SPRING1: variants seen among roughly 807,000 people sequenced by gnomAD.
SPRING1 encodes SREBF pathway regulator in golgi 1, also known as SREBP regulating gene protein.
SPRING1 carries 14 observed loss-of-function variants against 24.7 expected under a neutral mutation model. The observed-to-expected ratio is 0.57, with a 90% confidence interval of 0.37 to 0.88. The LOEUF (loss-of-function observed/expected upper bound fraction) is 0.88, where lower values mean the gene tolerates loss of function less well. Ranked by LOEUF, SPRING1 falls within the 40% of genes least tolerant of loss-of-function variation. The probability of loss-of-function intolerance (pLI) is 0.00; values close to 1 mark genes in which losing one functional copy is unlikely to be tolerated. For missense variants in SPRING1, 255 were observed against 268.4 expected, an observed-to-expected ratio of 0.95 and a Z score of 0.35; for synonymous variants, 93 against 106.1, an observed-to-expected ratio of 0.88 and a Z score of 0.76.
intron 1 of SPRING1, among the ~76,000 whole-genome samples, chr12:116,733,076 A>G (rs1200784114): frequency 6.6e-6 from 1 of 152,214 alleles, no homozygotes; most frequent in Non-Finnish European, 1.5e-5. Flanking sequence ...ATCTGAAAAA[A>G]GCGTTTTAAG....
In SPRING1 at chr12:116,712,627, G is replaced by A. The variant is rs1037266124; in HGVS notation, c.*5183C>T. ...TGATACCTTTTTAGTAGAATGACTA[G>A]TTTTCTAAACAGAACCTGTAATGAC... On this transcript the variant is annotated 3_prime_UTR_variant, in exon 5 of 5. Transcript: ENST00000261318. The A allele has an allele frequency of 6.6e-6, 1 of 152,156 alleles. No homozygotes were observed. 9.4% of individuals were successfully genotyped at this position (152,156 alleles called of 1,614,324 possible). A position where few individuals can be genotyped will look rare whatever the true frequency, so the allele number is the denominator to read the frequency against.
chr12:116,731,594 T>A (rs568739007), intron 1 of SPRING1, among the ~76,000 whole-genome samples: 2 of 151,952 alleles, frequency 1.3e-5, no homozygotes, highest in Non-Finnish European at 2.9e-5. Context: ...AAAAATAAAT[T>A]AATTAATTAG....
chr12:116,735,086 C>T (rs1343673065), intron 1 of SPRING1, among the ~76,000 whole-genome samples: 2 of 152,140 alleles, frequency 1.3e-5, no homozygotes, highest in Admixed American at 1.3e-4. Flanking sequence ...TCAGGATACA[C>T]TCTGGAGGCA....
At chr12:116,734,300 CAGGCTTAGAGCCTAGGAGGAAT>C (rs1361942974) in intron 1 of SPRING1, among the ~76,000 whole-genome samples, 4 of 152,186 alleles carry the variant, frequency 2.6e-5, no homozygotes, top group South Asian at 2.1e-4. Context: ...ACATGCTGTA[CAGGCTTAGAGCCTAGGAGGAAT>C]AGGCTATGCC....
chr12:116,724,299 G>A (rs1052263514), intron 1 of SPRING1, among the ~76,000 whole-genome samples: 2 of 152,148 alleles, frequency 1.3e-5, no homozygotes, highest in African/African-American at 2.4e-5. Flanking sequence ...AGTTCTGTTC[G>A]TATTTTAAAA....
In SPRING1 at chr12:116,717,788, T is replaced by C. The variant is rs1372715005; in HGVS notation, c.*22A>G. ...TTCAGCGGGGCCTCCTCACCCAGGC[T>C]GGAGCAAGTCCGCTGCACCCGTCAA... is the stretch of plus-strand genomic sequence containing the variant. On this transcript the variant is annotated 3_prime_UTR_variant, in exon 5 of 5. Transcript: ENST00000261318. The surrounding 1 kb of genome is among the most constrained non-coding windows in gnomAD (Gnocchi z 4.2). 2 of 1,567,178 alleles carry C rather than the reference T, an allele frequency of 1.3e-6. No individual in the cohort carries two copies. The highest frequency in any genetic ancestry group is 1.8e-5 in the Admixed American group (1 of 55,068).
chr12:116,720,035 A>G lies in SPRING1; in HGVS notation c.421-159T>C. 1 of 716,022 alleles carries G rather than the reference A, an allele frequency of 1.4e-6. No individual in the cohort carries two copies. The highest frequency in any genetic ancestry group is 1.9e-5 in the South Asian group (1 of 52,788). The allele number at this position is 716,022 out of a possible 1,614,324, so 44.4% of individuals were successfully genotyped here. A position where few individuals can be genotyped will look rare whatever the true frequency, so the allele number is the denominator to read the frequency against. On this transcript the variant is annotated intron_variant, in intron 3 of 4. Coordinates refer to ENST00000261318, the MANE Select transcript of SPRING1 (RefSeq NM_024738.4). The surrounding 1 kb of genome is among the most constrained non-coding windows in gnomAD (Gnocchi z 4.0). ...AGGACACACGCGTGCACACACGTGC[A>G]TGCCAAAACACCCTGGGTATCTTAT...
In SPRING1 at chr12:116,711,025, A is replaced by ACACATG. The variant is rs36071252; in HGVS notation, c.*6784_*6785insCATGTG. The ACACATG allele has an allele frequency of 4.0e-5, 6 of 150,814 alleles. No homozygotes were observed. The highest frequency in any genetic ancestry group is 5.9e-5 in the Non-Finnish European group (4 of 67,796). The allele number at this position is 150,814 out of a possible 1,614,324, so 9.3% of individuals were successfully genotyped here. A position where few individuals can be genotyped will look rare whatever the true frequency, so the allele number is the denominator to read the frequency against. On this transcript the variant is annotated 3_prime_UTR_variant, in exon 5 of 5. Transcript: ENST00000261318. ...TTTTGTTACACACACACACACACAC[A>ACACATG]CACGCACACACAGAGCCAATGTATG...
intron 1 of SPRING1, among the ~76,000 whole-genome samples, chr12:116,724,788 A>T (rs1168260797): frequency 6.6e-6 from 1 of 152,264 alleles, no homozygotes; most frequent in Non-Finnish European, 1.5e-5. Context: ...ATAGCTATTT[A>T]ACTAGAGTAG....
Position 116,714,166 on chromosome 12 carries a change from C to A in SPRING1, c.*3644G>T, listed in dbSNP as rs925476590. 5 of 152,196 alleles carry A rather than the reference C, an allele frequency of 3.3e-5. No individual in the cohort carries two copies. The highest frequency in any genetic ancestry group is 7.2e-5 in the African/African-American group (3 of 41,442). The allele number at this position is 152,196 out of a possible 1,614,324, so 9.4% of individuals were successfully genotyped here. ...CCATTTCACAGATGAAGGGCCTGAG[C>A]CACAGAGGAGGAAGACTGCCTCAGC... On this transcript the variant is annotated 3_prime_UTR_variant, in exon 5 of 5. Coordinates refer to ENST00000261318, the MANE Select transcript of SPRING1 (RefSeq NM_024738.4).
rs1222388636 is a variant in SPRING1 at position 116,717,693 on chromosome 12, C to T, written c.*117G>A. On this transcript the variant is annotated 3_prime_UTR_variant, in exon 5 of 5. Transcript: ENST00000261318. The surrounding 1 kb of genome is among the most constrained non-coding windows in gnomAD (Gnocchi z 4.2). ...GAGAAGGGGTCAAAGCCAAGGTTTC[C>T]TCACGCTGCCTTTGTCTTCTTCCTG... 2.2e-6 allele frequency: 2 copies of T among 912,028 alleles called. No individual in the cohort carries two copies. Among genetic ancestry groups the T allele is most frequent in the Non-Finnish European group, 3.2e-6 (2 of 618,046 alleles). 56.5% of individuals were successfully genotyped at this position (912,028 alleles called of 1,614,324 possible).
chr12:116,716,015 C>T lies in SPRING1; in HGVS notation c.*1795G>A, dbSNP rs1188501885. The T allele has an allele frequency of 6.6e-6, 1 of 152,204 alleles. No individual in the cohort carries two copies. The highest frequency in any genetic ancestry group is 1.5e-5 in the Non-Finnish European group (1 of 68,040). The allele number at this position is 152,204 out of a possible 1,614,324, so 9.4% of individuals were successfully genotyped here. A position where few individuals can be genotyped will look rare whatever the true frequency, so the allele number is the denominator to read the frequency against. ...TCAAAGGAGAGGCTGATTCCAATGT[C>T]AACCCAGGGAAGACAGACACTGAAA... On this transcript the variant is annotated 3_prime_UTR_variant, in exon 5 of 5. Transcript: ENST00000261318.
At chr12:116,727,456 C>T (rs1870755948) in intron 1 of SPRING1, among the ~76,000 whole-genome samples, 1 of 152,116 alleles carries the variant, frequency 6.6e-6, no homozygotes, top group South Asian at 2.1e-4. Flanking sequence ...TTCAGAAGGG[C>T]TGTATTCATA....
rs1474691223 is a variant in SPRING1, at chr12:116,714,426, C to T, written c.*3384G>A. ...AGGAGGCCCCAGTTGGGCTTGGGGACATGCTGAGAGGTGACAGCACTGCTC... is the reference window on the plus strand; with the variant it reads ...AGGAGGCCCCAGTTGGGCTTGGGGATATGCTGAGAGGTGACAGCACTGCTC... On this transcript the variant is annotated 3_prime_UTR_variant, in exon 5 of 5. Coordinates refer to ENST00000261318, the MANE Select transcript of SPRING1 (RefSeq NM_024738.4). 1 of 152,242 alleles carries T rather than the reference C, an allele frequency of 6.6e-6. No homozygotes were observed. Among genetic ancestry groups the T allele is most frequent in the Non-Finnish European group, 1.5e-5 (1 of 68,054 alleles). The allele number at this position is 152,242 out of a possible 1,614,324, so 9.4% of individuals were successfully genotyped here.
intron 1 of SPRING1, among the ~76,000 whole-genome samples, chr12:116,725,109 T>C (rs976483731): frequency 1.3e-5 from 2 of 152,246 alleles, no homozygotes; most frequent in African/African-American, 4.8e-5. Context: ...CAGTAGTCTC[T>C]CTTACCCATG....
At chr12:116,722,880 T>C (rs902251608) in intron 2 of SPRING1, among the ~76,000 whole-genome samples, 187 bp downstream of exon 2, 1 of 152,214 alleles carries the variant, frequency 6.6e-6, no homozygotes, top group Non-Finnish European at 1.5e-5. Context: ...CAAAACAAGC[T>C]TCTCTGATGT....
intron 4 of SPRING1, among the ~76,000 whole-genome samples, chr12:116,718,545 A>T (rs1870265923): frequency 6.6e-6 from 1 of 152,260 alleles, no homozygotes; most frequent in South Asian, 2.1e-4. Flanking sequence ...GTAAATATTC[A>T]TCCAATTTAA....
At chr12:116,722,937 G>T in intron 2 of SPRING1, 130 bp downstream of exon 2, 2 of 1,202,108 alleles carry the variant, frequency 1.7e-6, no homozygotes, top group Non-Finnish European at 2.3e-6. Flanking sequence ...ACAAAAACCT[G>T]GGGAATGTTG....
rs148964337 is a variant in SPRING1, at chr12:116,730,860, T to C, written c.111+6930A>G. ...TCACTTGAAAGCTTAAATATTATCA[T>C]TGGCAAATAATGTCAGATGTTTTCT... On this transcript the variant is annotated intron_variant, in intron 1 of 4. Transcript: ENST00000261318. Among the ~76,000 whole-genome samples, 1,482 of 152,368 alleles carry C rather than the reference T, an allele frequency of 9.7e-3. 12 individuals carry two copies. The highest frequency in any genetic ancestry group is 0.017 in the Middle Eastern group (5 of 294).
Sources: gnomAD v4.1 joint callset for allele counts (sites outside exome capture counted in the v4.1 genomes callset) on GRCh38, gnomAD v4.1.1 for gene constraint, Gnocchi (gnomAD v3.1) non-coding constraint, MANE v1.5 for transcripts, NCBI Gene and HGNC (gene_info 2026-07-23, HGNC 2026-07-21) for gene names.